The following CELF2 variants were observed in gnomAD, a reference collection of about 807,000 sequenced individuals.
CELF2 encodes CUGBP Elav-like family member 2.
CELF2 carries 8 observed loss-of-function variants against 62.6 expected under a neutral mutation model. The ratio of observed to expected loss-of-function variants is 0.13; its 90% CI spans 0.07 to 0.23. CELF2 has a LOEUF of 0.23. CELF2 is among the 10% of genes least tolerant of loss of function. CELF2 has a pLI of 1.00. For missense variants in CELF2, 333 were observed against 671.0 expected (o/e 0.50, Z 5.56); for synonymous variants, 258 against 250.0 (o/e 1.03, Z -0.30).
At chr10:11,088,920 C>T (rs989481213) in intron 1 of CELF2, among the ~76,000 whole-genome samples, 8 of 152,198 alleles carry the variant, frequency 5.3e-5, no homozygotes, top group East Asian at 1.9e-4. Context: ...AAACTGGGCT[C>T]ATCTGGAGCT....
At chr10:10,905,020 G>T (rs2134191621) in intron 1 of CELF2, among the ~76,000 whole-genome samples, 1 of 152,184 alleles carries the variant, frequency 6.6e-6, no homozygotes, top group Non-Finnish European at 1.5e-5. Flanking sequence ...TGTTTCGTTT[G>T]CTTGTTTCAA....
the CELF2 span, among the ~76,000 whole-genome samples, chr10:10,696,285 G>A: frequency 1.3e-5 from 2 of 151,934 alleles, no homozygotes; most frequent in Non-Finnish European, 2.9e-5. Context: ...GTGTGCCCCT[G>A]CTGGGGGGTG....
chr10:10,819,451 A>G (rs1014135718), intron 1 of CELF2, among the ~76,000 whole-genome samples: 8 of 152,134 alleles, frequency 5.3e-5, no homozygotes, highest in Admixed American at 5.2e-4. Flanking sequence ...AGGGTTACCA[A>G]TGCCAAATCT....
intron 2 of CELF2, among the ~76,000 whole-genome samples, chr10:11,203,890 T>C (rs143602405): frequency 6.6e-6 from 1 of 152,332 alleles, no homozygotes; most frequent in East Asian, 1.9e-4. Context: ...CGTAAATGGT[T>C]GGGAAACAGA....
chr10:11,144,196 C>T (rs1203076466), intron 1 of CELF2, among the ~76,000 whole-genome samples: 3 of 152,064 alleles, frequency 2.0e-5, no homozygotes, highest in Admixed American at 6.5e-5. Flanking sequence ...AACTTACTCT[C>T]GCTAATGCGT....
intron 2 of CELF2, among the ~76,000 whole-genome samples, chr10:10,988,253 A>G (rs1242611331): frequency 1.3e-5 from 2 of 150,522 alleles, no homozygotes; most frequent in African/African-American, 5.0e-5. Context: ...ATAGATATAC[A>G]CACATACATA....
At chr10:10,655,784 G>A in the CELF2 span, among the ~76,000 whole-genome samples, 4 of 134,638 alleles carry the variant, frequency 3.0e-5, no homozygotes, top group Non-Finnish European at 6.5e-5. Context: ...AGAAAACCTA[G>A]GCATTACCAT....
chr10:11,274,591 A>G (rs1280167460), intron 7 of CELF2, among the ~76,000 whole-genome samples: 1 of 152,158 alleles, frequency 6.6e-6, no homozygotes, highest in African/African-American at 2.4e-5. Context: ...AGATGCATTC[A>G]TGTTTGTAGT....
chr10:10,817,891 C>T (rs986581584), intron 1 of CELF2, among the ~76,000 whole-genome samples: 3 of 152,164 alleles, frequency 2.0e-5, no homozygotes, highest in African/African-American at 7.2e-5. Context: ...TATAGTAAGA[C>T]AGTAGACTTT....
At chr10:10,570,892 G>C in the CELF2 span, among the ~76,000 whole-genome samples, 1 of 151,962 alleles carries the variant, frequency 6.6e-6, no homozygotes, top group Non-Finnish European at 1.5e-5. Flanking sequence ...TGAGATTTTT[G>C]CAGGAAAAAA....
intron 8 of CELF2, among the ~76,000 whole-genome samples, chr10:11,276,700 C>A (rs575102878): frequency 1.3e-5 from 2 of 152,216 alleles, no homozygotes; most frequent in African/African-American, 4.8e-5. Flanking sequence ...TTCCTACCCC[C>A]ACAGTTGGAT....
chr10:11,305,369 C>T lies in CELF2; in HGVS notation c.977-8770C>T, dbSNP rs1479864098. 1.3e-5 allele frequency among the ~76,000 whole-genome samples: 2 copies of T among 152,218 alleles called. No homozygotes were observed. Among genetic ancestry groups the T allele is most frequent in the East Asian group, 1.9e-4 (1 of 5,204 alleles). On this transcript the variant is annotated intron_variant, in intron 9 of 12. Coordinates refer to ENST00000633077, the MANE Select transcript of CELF2 (RefSeq NM_001326342.2). The surrounding 1 kb of genome is among the most constrained non-coding windows in gnomAD (Gnocchi z 4.8). ...CCTCATGCCCACACCTGGGTGCCGGCGCCCATCCTGCATCCCTCACGGGTA... is the reference window on the plus strand; with the variant it reads ...CCTCATGCCCACACCTGGGTGCCGGTGCCCATCCTGCATCCCTCACGGGTA...
the CELF2 span, among the ~76,000 whole-genome samples, chr10:10,607,601 G>C: frequency 4.6e-5 from 7 of 152,190 alleles, no homozygotes; most frequent in South Asian, 1.0e-3. Context: ...GTGAATTTTA[G>C]AACAAGGTCA....
upstream of CELF2, chr10:11,005,090 T>A: frequency 4.1e-6 from 4 of 985,386 alleles, no homozygotes; most frequent in South Asian, 1.9e-4. The surrounding 1 kb of genome is among the most constrained non-coding windows in gnomAD (Gnocchi z 4.3). Flanking sequence ...CTTGAGTGAA[T>A]GCAGACAAGA....
At position 11,314,161 on chromosome 10, in the gene CELF2, C is replaced by T; in HGVS notation, c.999C>T (p.Ser333=). 1.2e-6 allele frequency: 2 copies of T among 1,613,786 alleles called. No homozygotes were observed. The highest frequency in any genetic ancestry group is 1.7e-6 in the Non-Finnish European group (2 of 1,179,792). Residue 333 remains serine, a synonymous_variant, in exon 10 of 13, where the codon TCC becomes TCT. Coordinates refer to ENST00000633077, the MANE Select transcript of CELF2 (RefSeq NM_001326342.2). The surrounding 1 kb of genome is among the most constrained non-coding windows in gnomAD (Gnocchi z 5.3). ...CAGTGGCTGCTTCAACCCCCAACTC[C>T]ACTGCTGGTGCAGCCATGAACTCCT... The part of the protein sequence containing the change: ...TSPVAASTPN[S]TAGAAMNSLT...
At chr10:10,640,050 C>T in the CELF2 span, among the ~76,000 whole-genome samples, 1 of 152,156 alleles carries the variant, frequency 6.6e-6, no homozygotes, top group Admixed American at 6.5e-5. Flanking sequence ...GTCATCTCCT[C>T]CAAAAAGCCT....
intron 1 of CELF2, among the ~76,000 whole-genome samples, chr10:11,009,872 G>A (rs942571380): frequency 1.3e-5 from 2 of 152,216 alleles, no homozygotes; most frequent in African/African-American, 2.4e-5. Context: ...CGATATGCGT[G>A]GCTGTTTTCA....
At chr10:10,499,671 A>G in the CELF2 span, among the ~76,000 whole-genome samples, 1 of 152,178 alleles carries the variant, frequency 6.6e-6, no homozygotes, top group African/African-American at 2.4e-5. Flanking sequence ...TGAGGTCAAG[A>G]GTTCGAGACC....
chr10:10,472,012 GCTGAATTCAAGATTTTTTTTT>G, the CELF2 span, among the ~76,000 whole-genome samples: 731 of 151,878 alleles, frequency 4.8e-3, 4 homozygotes, highest in African/African-American at 0.017. Context: ...GTTTTCTCTA[GCTGAATTCAAGATTTTTTTTT>G]CTTTGGCTTT....
Sources: allele counts gnomAD v4.1 joint callset (sites outside exome capture counted in the v4.1 genomes callset), GRCh38; gene constraint gnomAD v4.1.1; non-coding constraint Gnocchi (gnomAD v3.1); transcripts MANE v1.5; gene names NCBI Gene and HGNC (gene_info 2026-07-23, HGNC 2026-07-21).